Variants in ATF7IP2 observed in about 807,000 individuals in gnomAD.
ATF7IP2 encodes activating transcription factor 7 interacting protein 2.
ATF7IP2 carries 42 observed loss-of-function variants against 64.2 expected under a neutral mutation model. The observed-to-expected ratio is 0.65, with a 90% CI of 0.51 to 0.85. The LOEUF (loss-of-function observed/expected upper bound fraction) is 0.85. Among genes scored for constraint, ATF7IP2 ranks in the 40% least tolerant of loss-of-function variants. The pLI, the probability that ATF7IP2 is intolerant of heterozygous loss-of-function variation, is 0.00. For missense variants in ATF7IP2, 933 were observed against 784.2 expected (o/e 1.19, Z -2.27); for synonymous variants, 308 against 272.8 (o/e 1.13, Z -1.27).
intron 1 of ATF7IP2, among the ~76,000 whole-genome samples, chr16:10,390,650 A>G (rs770227642): frequency 2.0e-5 from 3 of 152,112 alleles, no homozygotes; most frequent in East Asian, 1.9e-4. Flanking sequence ...TTAGCCAGCC[A>G]TGGAGGGACA....
At chr16:10,412,749 AC>A (rs1819562456) in intron 1 of ATF7IP2, among the ~76,000 whole-genome samples, 1 of 152,206 alleles carries the variant, frequency 6.6e-6, no homozygotes, top group African/African-American at 2.4e-5. Context: ...TGTCTTAATG[AC>A]CTGCCTAGTG....
At chr16:10,415,498 G>A (rs1001935508) in intron 2 of ATF7IP2, among the ~76,000 whole-genome samples, 3 of 152,170 alleles carry the variant, frequency 2.0e-5, no homozygotes, top group Non-Finnish European at 4.4e-5. Context: ...TTAAATCTAA[G>A]ACCCCAAACT....
At chr16:10,420,167 G>A (rs548071665) in intron 3 of ATF7IP2, among the ~76,000 whole-genome samples, 194 of 152,294 alleles carry the variant, frequency 1.3e-3, no homozygotes, top group African/African-American at 4.4e-3. Flanking sequence ...GCTAGAGCTT[G>A]GTTAGTATAT....
Position 10,457,554 on chromosome 16 carries a change from A to G in ATF7IP2, c.1352+25A>G. 2.0e-6 allele frequency: 3 copies of G among 1,477,906 alleles called. No homozygotes were observed. In the East Asian group the frequency reaches 7.1e-5, roughly 35 times the overall value. The allele number at this position is 1,477,906 out of a possible 1,614,324, so 91.5% of individuals were successfully genotyped here. ...GGTAGGTGTTTCTGCAAAAATGCAT[A>G]AATTTATCTAAATCTATAATAATGA... On this transcript the variant is annotated intron_variant, in intron 9 of 13. Coordinates refer to ENST00000562102, the MANE Select transcript of ATF7IP2 (RefSeq NM_001393719.1).
Position 10,419,025 on chromosome 16 carries a change from C to A in ATF7IP2, c.-202-556C>A, listed in dbSNP as rs139969787. ...CAATCAATAATGATTCCATGGGAATCGTTGCGCAGCACCTCTGCCTGTTCT... is the reference window on the plus strand; with the variant it reads ...CAATCAATAATGATTCCATGGGAATAGTTGCGCAGCACCTCTGCCTGTTCT... On this transcript the variant is annotated intron_variant, in intron 2 of 13. Coordinates refer to ENST00000562102, the MANE Select transcript of ATF7IP2 (RefSeq NM_001393719.1). Among the ~76,000 whole-genome samples the A allele has an allele frequency of 2.1e-3, 315 of 152,326 alleles. 2 individuals are homozygous for A. Among genetic ancestry groups the A allele is most frequent in the African/African-American group, 7.3e-3 (304 of 41,574 alleles).
intron 9 of ATF7IP2, among the ~76,000 whole-genome samples, chr16:10,458,292 T>G (rs1422524074): frequency 6.6e-6 from 1 of 152,202 alleles, no homozygotes; most frequent in African/African-American, 2.4e-5. Flanking sequence ...ATTTAGTTGA[T>G]GAAGGCAAGA....
intron 8 of ATF7IP2, chr16:10,445,527 A>G (rs907046758): frequency 6.2e-5 from 9 of 145,130 alleles, no homozygotes; most frequent in African/African-American, 2.1e-4. Context: ...TATTTGAGAC[A>G]GGGCTTTACT....
intron 6 of ATF7IP2, among the ~76,000 whole-genome samples, chr16:10,434,326 T>G (rs1041687127): frequency 3.3e-5 from 5 of 152,178 alleles, no homozygotes; most frequent in Admixed American, 1.3e-4. Context: ...TTGATGACCA[T>G]GTTTTCCTAT....
chr16:10,449,768 T>C (rs955736654), intron 8 of ATF7IP2: 3 of 152,166 alleles, frequency 2.0e-5, no homozygotes, highest in African/African-American at 7.2e-5. Context: ...CCTGGATTCA[T>C]TGATTTTTTT....
rs1014166173 is a variant in ATF7IP2, at chr16:10,457,243, C to T, written c.1195-129C>T. On this transcript the variant is annotated intron_variant, in intron 8 of 13. Coordinates refer to ENST00000562102, the MANE Select transcript of ATF7IP2 (RefSeq NM_001393719.1). ...AATCACAATCATGGTCATCAGCCAT[C>T]GAAATACATGTGATTTAACTTATGT... 8.1e-6 allele frequency: 6 copies of T among 741,120 alleles called. 1 individual carries two copies. The highest frequency in any genetic ancestry group is 6.1e-5 in the South Asian group (3 of 49,144). 45.9% of individuals were successfully genotyped at this position (741,120 alleles called of 1,614,324 possible).
intron 9 of ATF7IP2, among the ~76,000 whole-genome samples, chr16:10,471,542 G>A (rs929793089): frequency 4.6e-5 from 7 of 151,450 alleles, no homozygotes; most frequent in South Asian, 2.1e-4. Flanking sequence ...AAACAAAAAA[G>A]TCGCTCATAA....
intron 1 of ATF7IP2, among the ~76,000 whole-genome samples, chr16:10,389,560 C>T (rs1356785130): frequency 1.3e-5 from 2 of 152,162 alleles, no homozygotes; most frequent in Non-Finnish European, 2.9e-5. Flanking sequence ...AAAAAAAATA[C>T]ATATGTGAGC....
rs74817144 is a variant in ATF7IP2 at position 10,469,972 on chromosome 16, T to C, written c.1353-2138T>C. 5.1e-3 allele frequency among the ~76,000 whole-genome samples: 774 copies of C among 151,636 alleles called. 2 individuals are homozygous for C. The highest frequency in any genetic ancestry group is 7.8e-3 in the Non-Finnish European group (528 of 67,898). On this transcript the variant is annotated intron_variant, in intron 9 of 13. Coordinates refer to ENST00000562102, the MANE Select transcript of ATF7IP2 (RefSeq NM_001393719.1). Reference sequence around the variant, plus strand: ...AAGTGTAGGGGAAAAACAGACTTTTTAAGCCAAAAAAAAGGGAGAGAATAC... The same window carrying C: ...AAGTGTAGGGGAAAAACAGACTTTTCAAGCCAAAAAAAAGGGAGAGAATAC...
chr16:10,416,819 T>A (rs1392158907), intron 2 of ATF7IP2, among the ~76,000 whole-genome samples: 2 of 152,094 alleles, frequency 1.3e-5, no homozygotes, highest in Non-Finnish European at 2.9e-5. Flanking sequence ...TTAGAATGAA[T>A]TAAGACCTAG....
intron 8 of ATF7IP2, among the ~76,000 whole-genome samples, chr16:10,456,911 A>T (rs1051063529): frequency 8.5e-5 from 13 of 152,184 alleles, no homozygotes; most frequent in Admixed American, 2.0e-4. Flanking sequence ...CATATATATA[A>T]AATGCTGCAA....
At position 10,430,668 on chromosome 16, in the gene ATF7IP2, G is replaced by A; in HGVS notation, c.48G>A (p.Lys16=). The change falls in exon 5 of 14, where the codon AAG becomes AAA. Residue 16 remains lysine (K), a synonymous_variant. Coordinates refer to ENST00000562102, the MANE Select transcript of ATF7IP2 (RefSeq NM_001393719.1). ...AACGGAAGATATTAAAAGCCAAAAA[G>A]ACAATGCCCCTAAGTTGCCGGAAGC... ...RSKRKILKAK[K]TMPLSCRKQV... 6.2e-7 allele frequency: 1 copy of A among 1,614,028 alleles called. No homozygotes were observed. Among genetic ancestry groups the A allele is most frequent in the Middle Eastern group, 1.7e-4 (1 of 6,060 alleles).
chr16:10,406,804 A>G (rs2120591), intron 1 of ATF7IP2, among the ~76,000 whole-genome samples: 119,632 of 151,854 alleles, frequency 0.79, 47,860 homozygotes, highest in African/African-American at 0.93. Context: ...CTGTGCCCTA[A>G]TTGCTTCACT....
chr16:10,391,894 TAA>T (rs75981824), intron 1 of ATF7IP2, among the ~76,000 whole-genome samples: 2 of 137,460 alleles, frequency 1.5e-5, no homozygotes. Context: ...AGATTCTGTT[TAA>T]AAAAAAAAAA....
chr16:10,446,229 T>G (rs149023338), intron 8 of ATF7IP2: 105 of 152,354 alleles, frequency 6.9e-4, no homozygotes, highest in African/African-American at 2.5e-3. Flanking sequence ...ATCTAAACAC[T>G]CATGTTCAGG....
Sources: gnomAD v4.1 joint callset for allele counts (sites outside exome capture counted in the v4.1 genomes callset) on GRCh38, gnomAD v4.1.1 for gene constraint, MANE v1.5 for transcripts, NCBI Gene and HGNC (gene_info 2026-07-23, HGNC 2026-07-21) for gene names.